IPO4: variants seen among roughly 807,000 people sequenced by gnomAD.
IPO4 encodes the protein importin-4.
A neutral mutation model predicts 133.5 loss-of-function variants in IPO4; 91 were observed. The ratio of observed to expected loss-of-function variants is 0.68; its 90% confidence interval spans 0.58 to 0.81. The LOEUF is 0.81. IPO4 is among the 30% of genes least tolerant of loss of function. The pLI is 0.00. For missense variants in IPO4, 1,279 were observed against 1,386.2 expected (o/e 0.92, Z 1.23); for synonymous variants, 607 against 581.6 (o/e 1.04, Z -0.63).
At chr14:24,182,689 GT>G in intron 24 of IPO4, 102 bp downstream of exon 24, 4 of 1,302,742 alleles carry the variant, frequency 3.1e-6, no homozygotes, top group Non-Finnish European at 4.5e-6. Context: ...GTCTCTTTTA[GT>G]GGCCCTGGCT....
rs2039104203 is a variant in IPO4 at position 24,180,251 on chromosome 14, T to G, written c.*191A>C. ...CAAGCAGAAAACAAGCTGCTTTTAT[T>G]ACAGTATGATGTCATGACTCATTTG... On this transcript the variant is annotated 3_prime_UTR_variant, in exon 30 of 30. Coordinates refer to ENST00000354464, the MANE Select transcript of IPO4 (RefSeq NM_024658.4). 1.2e-5 allele frequency: 19 copies of G among 1,560,548 alleles called. No homozygotes were observed. Among genetic ancestry groups the G allele is most frequent in the Non-Finnish European group, 1.6e-5 (18 of 1,151,502 alleles).
At position 24,182,351 on chromosome 14, in the gene IPO4, A is replaced by G. The variant is rs904465003; in HGVS notation, c.2525T>C (p.Leu842Pro). The G allele has an allele frequency of 1.2e-6, 2 of 1,613,792 alleles. No homozygotes were observed. The highest frequency in any genetic ancestry group is 1.7e-6 in the Non-Finnish European group (2 of 1,179,894). The change falls in exon 25 of 30, where the codon CTG becomes CCG. Residue 842 changes from leucine (L) to proline (P), a missense_variant. Around this residue, in one of 3 missense-constraint regions of IPO4, gnomAD observed 575 missense variants for 653.4 expected, o/e 0.88. Transcript: ENST00000354464. The part of the protein sequence containing the change: ...LEHAGEAIPA[L>P]AAAAGGDSFA... ...GGAGTCTCCCCCAGCCGCGGCTGCC[A>G]GGGCAGGGATGGCCTCTCCAGCGTG...
intron 4 of IPO4, 156 bp from the exon 5 acceptor site, chr14:24,187,952 G>A (rs926280455): frequency 6.8e-6 from 6 of 885,548 alleles, no homozygotes; most frequent in African/African-American, 3.3e-5. Flanking sequence ...CTCAGAGGGA[G>A]CCCAACAGCA....
Position 24,183,636 on chromosome 14 carries a change from T to C in IPO4, c.2017A>G (p.Lys673Glu), listed in dbSNP as rs1297339907. 3 of 1,614,074 alleles carry C rather than the reference T, an allele frequency of 1.9e-6. No individual in the cohort carries two copies. The Admixed American group carries it at 5.0e-5, about 27-fold the overall frequency. Residue 673 changes from lysine (K) to glutamate (E), a missense_variant, in exon 20 of 30, where the codon AAG becomes GAG. Coordinates refer to ENST00000354464, the MANE Select transcript of IPO4 (RefSeq NM_024658.4). ...YSVENAFFDE[K>E]EDTCAAVGEI... ...CCCACGGCAGCACAGGTGTCTTCCT[T>C]CTCATCGAAGAAGGCATTCTCCACG...
In IPO4 at chr14:24,188,553, T is replaced by G; in HGVS notation, c.155A>C (p.Gln52Pro). The change falls in exon 2 of 30, where the codon CAG becomes CCG. Residue 52 changes from glutamine to proline, a missense_variant and splice_region_variant. By Grantham distance (76) the Gln-to-Pro change is moderately conservative. Around this residue, in one of 3 missense-constraint regions of IPO4, gnomAD observed 695 missense variants for 704.1 expected, o/e 0.99. Coordinates refer to ENST00000354464, the MANE Select transcript of IPO4 (RefSeq NM_024658.4). Reference sequence around the variant, plus strand: ...GGAGGGGAGAGTCAGGGGTCTCACCTGGGGGTCGGCCGCCGAGGCTAGCAG... The same window carrying G: ...GGAGGGGAGAGTCAGGGGTCTCACCGGGGGGTCGGCCGCCGAGGCTAGCAG... ...CDLLASAADP[Q>P]IRQFAAVLTR... 1 of 1,611,680 alleles carries G rather than the reference T, an allele frequency of 6.2e-7. No homozygotes were observed. The highest frequency in any genetic ancestry group is 8.5e-7 in the Non-Finnish European group (1 of 1,179,108).
Position 24,188,573 on chromosome 14 carries a change from T to C in IPO4, c.135A>G (p.Leu45=), listed in dbSNP as rs966251694. Residue 45 remains leucine, a synonymous_variant, in exon 2 of 30, where the codon CTA becomes CTG. Transcript: ENST00000354464. ...PAALPALCDL[L]ASAADPQIRQ... is the part of the protein sequence containing the mutation. ...TCACCTGGGGGTCGGCCGCCGAGGC[T>C]AGCAGGTCGCAGAGAGCCGGCAAAG... The C allele has an allele frequency of 5.0e-6, 8 of 1,612,750 alleles. No individual in the cohort carries two copies. In the African/African-American group the frequency reaches 8.0e-5, roughly 16 times the overall value.
At chr14:24,185,740 G>T in intron 12 of IPO4, 121 bp downstream of exon 12, 1 of 959,008 alleles carries the variant, frequency 1.0e-6, no homozygotes. Flanking sequence ...TTCCAAGCCA[G>T]GACACTTTTG....
In IPO4 at chr14:24,180,429, T is replaced by C. The variant is rs1001631235; in HGVS notation, c.*13A>G. On this transcript the variant is annotated 3_prime_UTR_variant, in exon 30 of 30. Transcript: ENST00000354464. Reference sequence around the variant, plus strand: ...CAGGCTCTATTCTCTCTGGACTGGCTGCAGCCTGCAGTCTAGGAGAGGCCC... The same window carrying C: ...CAGGCTCTATTCTCTCTGGACTGGCCGCAGCCTGCAGTCTAGGAGAGGCCC... The C allele has an allele frequency of 4.4e-6, 7 of 1,602,148 alleles. No individual in the cohort carries two copies. Among genetic ancestry groups the C allele is most frequent in the Non-Finnish European group, 6.0e-6 (7 of 1,171,422 alleles).
In IPO4 at chr14:24,183,051, A is replaced by G; in HGVS notation, c.2346T>C (p.Cys782=). 1.9e-6 allele frequency: 3 copies of G among 1,613,798 alleles called. No homozygotes were observed. The highest frequency in any genetic ancestry group is 2.5e-6 in the Non-Finnish European group (3 of 1,180,026). Residue 782 remains cysteine (C), a synonymous_variant, in exon 23 of 30, where the codon TGT becomes TGC. Transcript: ENST00000354464. ...LEALTGVLRS[C]GTLTLKPPGR... ...CAGGGGGCTTCAGTGTGAGGGTCCC[A>G]CAGCTGCGGAGCACCCCTGTCAGGG...
In IPO4 at chr14:24,184,219, G is replaced by A. The variant is rs57110546; in HGVS notation, c.1757+79C>T. On this transcript the variant is annotated intron_variant, in intron 17 of 29. Transcript: ENST00000354464. ...GTCCAAACCAGACGACTGGAGTCTG[G>A]GGTGGGGATTCCAGTGGGTCCAGTG... is the stretch of plus-strand genomic sequence containing the variant. The A allele has an allele frequency of 1.8e-4, 277 of 1,553,950 alleles. 1 individual carries two copies. Among genetic ancestry groups the A allele is most frequent in the Non-Finnish European group, 2.4e-4 (270 of 1,144,476 alleles).
At chr14:24,186,224 C>T in intron 10 of IPO4, 42 bp from the exon 11 acceptor site, 1 of 1,610,632 alleles carries the variant, frequency 6.2e-7, no homozygotes, top group East Asian at 2.2e-5. Flanking sequence ...GACTCCATCT[C>T]TGCCTCCCCA....
chr14:24,181,985 A>G lies in IPO4; in HGVS notation c.2777T>C (p.Leu926Pro), dbSNP rs1415190291. ...GGCAGGGTGGCCCCCATGCTCTGCC[A>G]GCACGCCCATCCCGAAGATGGCATT... ...RSNAIFGMGV[L>P]AEHGGHPAQE... The change falls in exon 26 of 30, where the codon CTG (leucine) becomes CCG (proline). Residue 926 changes from leucine to proline, a missense_variant. Physicochemically the swap from Leu to Pro is moderately conservative, Grantham distance 98 (BLOSUM62 -3). Coordinates refer to ENST00000354464, the MANE Select transcript of IPO4 (RefSeq NM_024658.4). 6.2e-7 allele frequency: 1 copy of G among 1,612,214 alleles called. No homozygotes were observed. The highest frequency in any genetic ancestry group is 8.5e-7 in the Non-Finnish European group (1 of 1,180,010).
Position 24,183,029 on chromosome 14 carries a change from G to A in IPO4, c.2368C>T (p.Pro790Ser). The A allele has an allele frequency of 6.2e-7, 1 of 1,613,778 alleles. No individual in the cohort carries two copies. The highest frequency in any genetic ancestry group is 8.5e-7 in the Non-Finnish European group (1 of 1,179,982). ...CCACAGAGCTCAGCGAGGCGCCCAG[G>A]GGGCTTCAGTGTGAGGGTCCCACAG... ...RSCGTLTLKP[P>S]GRLAELCGVL... Residue 790 changes from proline (P) to serine (S), a missense_variant, in exon 23 of 30, where the codon CCT becomes TCT. Coordinates refer to ENST00000354464, the MANE Select transcript of IPO4 (RefSeq NM_024658.4).
intron 4 of IPO4, 67 bp from the exon 5 acceptor site, chr14:24,187,863 C>T (rs745474770): frequency 8.8e-6 from 14 of 1,591,636 alleles, no homozygotes; most frequent in Non-Finnish European, 1.2e-5. Context: ...TGGCCAGGCT[C>T]AATGGGGCAG....
chr14:24,187,656 T>C lies in IPO4; in HGVS notation c.408+11A>G. The C allele has an allele frequency of 6.2e-7, 1 of 1,613,806 alleles. No homozygotes were observed. The highest frequency in any genetic ancestry group is 2.2e-5 in the East Asian group (1 of 44,876). On this transcript the variant is annotated intron_variant, in intron 5 of 29. Coordinates refer to ENST00000354464, the MANE Select transcript of IPO4 (RefSeq NM_024658.4). ...CTCAGGCCCTCCCTCCTGCCAACCA[T>C]GTGATGGTACCTCTCTCTCTGGGCT...
chr14:24,182,384 A>C lies in IPO4; in HGVS notation c.2492T>G (p.Leu831Trp). 1 of 1,612,646 alleles carries C rather than the reference A, an allele frequency of 6.2e-7. No homozygotes were observed. Among genetic ancestry groups the C allele is most frequent in the South Asian group, 1.1e-5 (1 of 90,852 alleles). The change falls in exon 25 of 30, where the codon TTG (leucine) becomes TGG (tryptophan). Residue 831 changes from leucine (L) to tryptophan (W), a missense_variant. Physicochemically the swap from Leu to Trp is moderately conservative, Grantham distance 61. Around this residue, in one of 3 missense-constraint regions of IPO4, gnomAD observed 575 missense variants for 653.4 expected, o/e 0.88. Transcript: ENST00000354464. ...GATGGCCTCTCCAGCGTGCTCCAGC[A>C]ACATGGCGTCGTATTCAGCCTGTGG... ...DDDQAEYDAM[L>W]LEHAGEAIPA...
Position 24,185,962 on chromosome 14 carries a change from C to T in IPO4, c.1068G>A (p.Met356Ile). 1.2e-6 allele frequency: 2 copies of T among 1,614,032 alleles called. No individual in the cohort carries two copies. The highest frequency in any genetic ancestry group is 1.7e-6 in the Non-Finnish European group (2 of 1,179,914). Reference sequence around the variant, plus strand: ...TCTCGCTCCGCAAAGCCTCTTCCAACATGGGCATCTAGGGAAGCATGTGGC... The same window carrying T: ...TCTCGCTCCGCAAAGCCTCTTCCAATATGGGCATCTAGGGAAGCATGTGGC... ...PEKLCPQLMP[M>I]LEEALRSESP... Residue 356 changes from methionine (M) to isoleucine (I), a missense_variant, in exon 12 of 30, where the codon ATG (methionine) becomes ATA (isoleucine). Around this residue, in one of 3 missense-constraint regions of IPO4, gnomAD observed 695 missense variants for 704.1 expected, o/e 0.99. Transcript: ENST00000354464.
rs752321868 is a variant in IPO4 at position 24,184,106 on chromosome 14, G to T, written c.1761C>A (p.Tyr587Ter). Reference protein sequence around the residue: ...VDDPDLRRCTYSLFAALSGLM... With the variant: ...VDDPDLRRCT ...GACCCGATAAGGCTGCAAATAGGCT[G>T]TACCTGGTCAAAGCAGGCAGAAGAA... The change falls in exon 18 of 30, where the codon TAC (tyrosine) becomes TAA (stop). Residue 587 changes from tyrosine (Y) to a stop codon, truncating the protein, a stop_gained. Transcript: ENST00000354464. LOFTEE classifies it high-confidence loss of function. 1.9e-6 allele frequency: 3 copies of T among 1,611,866 alleles called. No homozygotes were observed. In the African/African-American group the frequency reaches 4.0e-5, roughly 22 times the overall value.
rs2039200946 is a variant in IPO4 at position 24,185,168 on chromosome 14, C to T, written c.1408+15G>A. Reference sequence around the variant, plus strand: ...CCTCATCCCCCTTCCCCAAGCTCCCCACTGCCATCACTACCTAGGTTCTCC... The same window carrying T: ...CCTCATCCCCCTTCCCCAAGCTCCCTACTGCCATCACTACCTAGGTTCTCC... On this transcript the variant is annotated intron_variant, in intron 14 of 29. Transcript: ENST00000354464. The T allele has an allele frequency of 3.1e-6, 5 of 1,613,646 alleles. No homozygotes were observed. Among genetic ancestry groups the T allele is most frequent in the African/African-American group, 1.3e-5 (1 of 74,934 alleles).
Sources: allele counts gnomAD v4.1 joint callset, GRCh38; gene constraint gnomAD v4.1.1; regional missense constraint gnomAD v4.1.1; transcripts MANE v1.5; gene names NCBI Gene and HGNC (gene_info 2026-07-23, HGNC 2026-07-21).